The following GLRA3 variants were observed in gnomAD, a reference collection of about 807,000 sequenced individuals.
GLRA3 encodes glycine receptor alpha 3.
A neutral mutation model predicts 60.4 loss-of-function variants in GLRA3; 44 were observed. That is an observed-to-expected ratio of 0.73 (90% CI 0.57 to 0.94). GLRA3 has a LOEUF of 0.94. GLRA3 is among the 40% of genes least tolerant of loss of function. The probability of loss-of-function intolerance (pLI) is 0.00; values close to 1 mark genes in which losing one functional copy is unlikely to be tolerated. For missense variants in GLRA3, 508 were observed against 564.6 expected, an observed-to-expected ratio of 0.90 and a Z score of 1.02; for synonymous variants, 223 against 192.9, an observed-to-expected ratio of 1.16 and a Z score of -1.29.
intron 3 of GLRA3, among the ~76,000 whole-genome samples, chr4:174,751,676 T>G (rs1020590034): frequency 1.3e-5 from 2 of 152,142 alleles, no homozygotes; most frequent in African/African-American, 2.4e-5. Flanking sequence ...CACTGAGTAA[T>G]GAGTACAGAA....
rs189465173 is a variant in GLRA3, at chr4:174,768,900, G to T, written c.200-1870C>A. On this transcript the variant is annotated intron_variant, in intron 2 of 9. Transcript: ENST00000274093. ...AAATAGAAACGTAAAAATATTTTGT[G>T]CTAGGGGCTAAAATAGCTCTGAGTT... is the stretch of plus-strand genomic sequence containing the variant. 3.1e-3 allele frequency among the ~76,000 whole-genome samples: 473 copies of T among 152,176 alleles called. 4 individuals are homozygous for T. Among genetic ancestry groups the T allele is most frequent in the African/African-American group, 0.011 (438 of 41,542 alleles).
intron 5 of GLRA3, among the ~76,000 whole-genome samples, chr4:174,709,866 T>C (rs1452298219): frequency 1.3e-5 from 2 of 152,060 alleles, no homozygotes; most frequent in African/African-American, 4.8e-5. Flanking sequence ...TTATTTTGAT[T>C]TTTAAATGGC....
chr4:174,723,459 G>T (rs911016112), intron 4 of GLRA3, among the ~76,000 whole-genome samples: 9 of 152,046 alleles, frequency 5.9e-5, no homozygotes, highest in African/African-American at 2.2e-4. Context: ...TGTTCTTTGT[G>T]TTGACTTTCT....
At chr4:174,695,534 A>G (rs1425980888) in intron 5 of GLRA3, among the ~76,000 whole-genome samples, 2 of 152,116 alleles carry the variant, frequency 1.3e-5, no homozygotes, top group African/African-American at 2.4e-5. Context: ...GATAAAATTC[A>G]ACACCCTTTC....
chr4:174,706,267 C>G (rs901772635), intron 5 of GLRA3, among the ~76,000 whole-genome samples: 5 of 151,894 alleles, frequency 3.3e-5, no homozygotes, highest in Non-Finnish European at 5.9e-5. Context: ...CAGAAATGGC[C>G]TGGCGGAATG....
intron 3 of GLRA3, among the ~76,000 whole-genome samples, chr4:174,752,965 G>T (rs1428778208): frequency 6.6e-6 from 1 of 152,074 alleles, no homozygotes; most frequent in Non-Finnish European, 1.5e-5. Context: ...GTTTCTTCAT[G>T]TTCTCCATAG....
chr4:174,796,915 C>A (rs1739593868), intron 1 of GLRA3, among the ~76,000 whole-genome samples: 1 of 152,106 alleles, frequency 6.6e-6, no homozygotes, highest in Non-Finnish European at 1.5e-5. Flanking sequence ...ATATATTTCT[C>A]CTAAAACTTT....
intron 1 of GLRA3, among the ~76,000 whole-genome samples, chr4:174,796,425 G>T (rs1262499447): frequency 6.6e-6 from 1 of 152,080 alleles, no homozygotes; most frequent in African/African-American, 2.4e-5. Context: ...TTGCTTATGG[G>T]CAATTGATTT....
At chr4:174,731,540 A>G (rs1300989432) in intron 3 of GLRA3, among the ~76,000 whole-genome samples, 2 of 152,214 alleles carry the variant, frequency 1.3e-5, no homozygotes, top group Admixed American at 6.5e-5. Context: ...TTAAAAGTTC[A>G]AATATGATGG....
At chr4:174,686,659 G>A (rs940004631) in intron 5 of GLRA3, among the ~76,000 whole-genome samples, 20 of 152,144 alleles carry the variant, frequency 1.3e-4, no homozygotes, top group African/African-American at 4.3e-4. Flanking sequence ...TGCATTTAGC[G>A]CGGGGTTCTG....
chr4:174,740,049 A>C (rs893374383), intron 3 of GLRA3, among the ~76,000 whole-genome samples: 1 of 152,182 alleles, frequency 6.6e-6, no homozygotes, highest in Non-Finnish European at 1.5e-5. Context: ...TTAAATTCAC[A>C]GGTCTTTTGA....
intron 3 of GLRA3, among the ~76,000 whole-genome samples, chr4:174,732,777 CTATA>C (rs66878216): frequency 6.7e-6 from 1 of 149,746 alleles, no homozygotes; most frequent in African/African-American, 2.5e-5. Flanking sequence ...CTCTCTCTCT[CTATA>C]TATATATATA....
intron 7 of GLRA3, among the ~76,000 whole-genome samples, chr4:174,668,350 C>T (rs1162259317): frequency 6.6e-6 from 1 of 152,100 alleles, no homozygotes; most frequent in Non-Finnish European, 1.5e-5. Flanking sequence ...TTTGCACGAA[C>T]TTTTGATAGG....
At chr4:174,715,880 A>G (rs1288280696) in intron 4 of GLRA3, among the ~76,000 whole-genome samples, 1 of 152,134 alleles carries the variant, frequency 6.6e-6, no homozygotes, top group African/African-American at 2.4e-5. Flanking sequence ...CGTCATATTT[A>G]TATATCTATA....
At chr4:174,777,394 GA>G (rs1418064460) in intron 2 of GLRA3, among the ~76,000 whole-genome samples, 1 of 152,172 alleles carries the variant, frequency 6.6e-6, no homozygotes, top group East Asian at 1.9e-4. Context: ...AAAAGACACA[GA>G]GGAACCTGAA....
At chr4:174,770,241 C>T (rs1738325582) in intron 2 of GLRA3, among the ~76,000 whole-genome samples, 1 of 152,060 alleles carries the variant, frequency 6.6e-6, no homozygotes, top group Non-Finnish European at 1.5e-5. Context: ...ATTGAAATCA[C>T]CTGGCAATCT....
intron 9 of GLRA3, among the ~76,000 whole-genome samples, chr4:174,644,550 TAC>T (rs1732745287): frequency 1.3e-5 from 2 of 152,112 alleles, no homozygotes; most frequent in South Asian, 4.1e-4. Context: ...CCTCAGAAAA[TAC>T]AGTCTAGTTC....
chr4:174,800,406 G>A (rs975859315), intron 1 of GLRA3, among the ~76,000 whole-genome samples: 3 of 151,998 alleles, frequency 2.0e-5, no homozygotes, highest in Non-Finnish European at 4.4e-5. Context: ...GGAAAGTGAG[G>A]TTTTGCTGAT....
chr4:174,746,032 AC>A (rs1737232015), intron 3 of GLRA3, among the ~76,000 whole-genome samples: 1 of 152,176 alleles, frequency 6.6e-6, no homozygotes, highest in Non-Finnish European at 1.5e-5. Flanking sequence ...GAGAACTCAT[AC>A]ACTCTTGGCA....
Sources: allele counts gnomAD v4.1 joint callset (sites outside exome capture counted in the v4.1 genomes callset), GRCh38; gene constraint gnomAD v4.1.1; transcripts MANE v1.5; gene names NCBI Gene and HGNC (gene_info 2026-07-23, HGNC 2026-07-21).